The following TDRD5 variants were observed in gnomAD, a reference collection of about 807,000 sequenced individuals.
TDRD5 encodes tudor domain containing 5, also known as tudor domain-containing protein 5.
In TDRD5, 41 loss-of-function variants were observed where a neutral mutation model predicts 120.6. The ratio of observed to expected loss-of-function variants is 0.34; its 90% CI spans 0.26 to 0.44. The LOEUF is 0.44. TDRD5 is among the 20% of genes least tolerant of loss of function. TDRD5 has a pLI of 1.00. For missense variants in TDRD5, 1,006 were observed against 1,221.2 expected (o/e 0.82, Z 2.63); for synonymous variants, 430 against 433.7 (o/e 0.99, Z 0.11).
At chr1:179,675,273 A>ATTTTTTTTTTTTT (rs1172444253) in intron 17 of TDRD5, among the ~76,000 whole-genome samples, 6 of 66,624 alleles carry the variant, frequency 9.0e-5, no homozygotes, top group African/African-American at 2.7e-4. Flanking sequence ...TATTATTATT[A>ATTTTTTTTTTTTT]TTTTTTTTTT....
chr1:179,636,091 CTT>C (rs1363724863), intron 9 of TDRD5, among the ~76,000 whole-genome samples: 4 of 152,008 alleles, frequency 2.6e-5, no homozygotes, highest in Admixed American at 6.5e-5. Context: ...ATGAAAATAA[CTT>C]TTTGTTTAAA....
chr1:179,691,233 G>T lies in TDRD5; in HGVS notation c.*290G>T. 1 of 256,492 alleles carries T rather than the reference G, an allele frequency of 3.9e-6. No homozygotes were observed. Among genetic ancestry groups the T allele is most frequent in the South Asian group, 6.0e-5 (1 of 16,754 alleles). 15.9% of individuals were successfully genotyped at this position (256,492 alleles called of 1,614,324 possible). Reference sequence around the variant, plus strand: ...TTGTTTTTTTGTGTTTGTTTTTCTTGTACATTATCATGACTGATAAATGAA... The same window carrying T: ...TTGTTTTTTTGTGTTTGTTTTTCTTTTACATTATCATGACTGATAAATGAA... On this transcript the variant is annotated 3_prime_UTR_variant, in exon 18 of 18. Coordinates refer to ENST00000444136, the MANE Select transcript of TDRD5 (RefSeq NM_001199085.3).
intron 4 of TDRD5, 45 bp downstream of exon 4, chr1:179,595,863 A>G: frequency 1.3e-6 from 2 of 1,537,834 alleles, no homozygotes; most frequent in Non-Finnish European, 1.8e-6. Context: ...ATGTTTTTAA[A>G]TTCAGTGGTG....
chr1:179,658,576 T>C (rs994617991), intron 14 of TDRD5, among the ~76,000 whole-genome samples: 1 of 152,172 alleles, frequency 6.6e-6, no homozygotes, highest in African/African-American at 2.4e-5. Context: ...TATAACATTG[T>C]TTATAGTATT....
chr1:179,629,512 CTT>C (rs1677318615), intron 6 of TDRD5, among the ~76,000 whole-genome samples: 1 of 152,162 alleles, frequency 6.6e-6, no homozygotes, highest in Admixed American at 6.5e-5. Context: ...AAAAAAGTCT[CTT>C]TAGATGTAGC....
rs770497732 is a variant in TDRD5 at position 179,663,428 on chromosome 1, A to C, written c.2586A>C (p.Glu862Asp). Residue 862 changes from glutamate to aspartate, a missense_variant, in exon 16 of 18, where the codon GAA becomes GAC. Coordinates refer to ENST00000444136, the MANE Select transcript of TDRD5 (RefSeq NM_001199085.3). ...GCCTTGTAAATGGAACGAAAGTAGA[A>C]GTTCATAAGCCAGAAGTACTGGGTG... Reference protein sequence around the residue: ...PSGLVNGTKVEVHKPEVLGAQ... With the variant: ...PSGLVNGTKVDVHKPEVLGAQ... 6.2e-7 allele frequency: 1 copy of C among 1,613,828 alleles called. No homozygotes were observed.
chr1:179,685,914 G>A (rs1680683647), intron 17 of TDRD5, among the ~76,000 whole-genome samples: 1 of 152,178 alleles, frequency 6.6e-6, no homozygotes, highest in African/African-American at 2.4e-5. Flanking sequence ...CTTTGCTGAA[G>A]TTGCTTATCA....
chr1:179,647,082 C>T (rs1294196522), intron 11 of TDRD5, among the ~76,000 whole-genome samples: 1 of 150,058 alleles, frequency 6.7e-6, no homozygotes, highest in Non-Finnish European at 1.5e-5. Flanking sequence ...ACTTTCTTCA[C>T]AGAATTGGAA....
intron 4 of TDRD5, among the ~76,000 whole-genome samples, chr1:179,600,966 T>A (rs1452923625): frequency 6.6e-6 from 1 of 152,196 alleles, no homozygotes; most frequent in Non-Finnish European, 1.5e-5. Context: ...TTCATTGTGG[T>A]CCAACAACAT....
intron 7 of TDRD5, among the ~76,000 whole-genome samples, chr1:179,632,398 GT>G (rs59261684): frequency 0.099 from 13,208 of 133,108 alleles, 603 homozygotes; most frequent in Middle Eastern, 0.13. Flanking sequence ...GACAGGTTTT[GT>G]TTTTTTTTTT....
At chr1:179,657,802 A>T (rs149407825) in intron 14 of TDRD5, among the ~76,000 whole-genome samples, 1 of 152,324 alleles carries the variant, frequency 6.6e-6, no homozygotes, top group East Asian at 1.9e-4. Flanking sequence ...TAGCATGTAT[A>T]AGTCAAGCTA....
At chr1:179,678,210 C>G (rs548423711) in intron 17 of TDRD5, among the ~76,000 whole-genome samples, 78 of 152,160 alleles carry the variant, frequency 5.1e-4, no homozygotes, top group Non-Finnish European at 9.3e-4. Flanking sequence ...GGCCTCACTC[C>G]GCTCCCAGGG....
At chr1:179,679,217 C>T (rs189459053) in intron 17 of TDRD5, among the ~76,000 whole-genome samples, 35 of 152,112 alleles carry the variant, frequency 2.3e-4, no homozygotes, top group East Asian at 1.9e-3. Context: ...ATAATGCCCT[C>T]GTGGTCATGA....
intron 2 of TDRD5, among the ~76,000 whole-genome samples, chr1:179,593,053 A>G (rs1241237764): frequency 6.6e-6 from 1 of 152,142 alleles, no homozygotes; most frequent in Non-Finnish European, 1.5e-5. Context: ...ACAATCGTGC[A>G]CTCACAAAAG....
At chr1:179,646,506 G>T (rs1678371570) in intron 11 of TDRD5, among the ~76,000 whole-genome samples, 2 of 150,396 alleles carry the variant, frequency 1.3e-5, no homozygotes, top group African/African-American at 4.9e-5. Context: ...CATACTGAAT[G>T]GGCAAAAACT....
Position 179,648,173 on chromosome 1 carries a change from A to G in TDRD5, c.1801-2694A>G, listed in dbSNP as rs546344832. Among the ~76,000 whole-genome samples, 8 of 144,688 alleles carry G rather than the reference A, an allele frequency of 5.5e-5. No individual in the cohort carries two copies. In the South Asian group the frequency reaches 1.6e-3, roughly 30 times the overall value. The allele number at this position is 144,688 out of a possible 152,430, so 94.9% of individuals were successfully genotyped here. A position where few individuals can be genotyped will look rare whatever the true frequency, so the allele number is the denominator to read the frequency against. On this transcript the variant is annotated intron_variant, in intron 11 of 17. Coordinates refer to ENST00000444136, the MANE Select transcript of TDRD5 (RefSeq NM_001199085.3). Reference sequence around the variant, plus strand: ...GTATGTTTATTGCGGCATTATTCACAATAGCAAAGACTTGGAACCAACCCA... The same window carrying G: ...GTATGTTTATTGCGGCATTATTCACGATAGCAAAGACTTGGAACCAACCCA...
At chr1:179,630,503 T>C (rs1264498945) in intron 6 of TDRD5, among the ~76,000 whole-genome samples, 1 of 152,170 alleles carries the variant, frequency 6.6e-6, no homozygotes, top group Non-Finnish European at 1.5e-5. Context: ...TTGTTAAAAA[T>C]GAGAAGTGAA....
chr1:179,626,488 AACTG>A (rs1677140093), intron 6 of TDRD5, among the ~76,000 whole-genome samples: 1 of 152,216 alleles, frequency 6.6e-6, no homozygotes, highest in Non-Finnish European at 1.5e-5. Flanking sequence ...TATCAGGGCT[AACTG>A]ACTGGTAAAC....
At chr1:179,688,490 T>A (rs1383096267) in intron 17 of TDRD5, among the ~76,000 whole-genome samples, 1 of 152,240 alleles carries the variant, frequency 6.6e-6, no homozygotes, top group Non-Finnish European at 1.5e-5. Flanking sequence ...TTTTCCTTAA[T>A]TTCAACTTTG....
Sources: allele counts gnomAD v4.1 joint callset (sites outside exome capture counted in the v4.1 genomes callset), GRCh38; gene constraint gnomAD v4.1.1; transcripts MANE v1.5; gene names NCBI Gene and HGNC (gene_info 2026-07-23, HGNC 2026-07-21).